CSGALNACT2: variants seen among roughly 807,000 people sequenced by gnomAD.
The protein encoded by CSGALNACT2 is chondroitin sulfate N-acetylgalactosaminyltransferase 2, also known as beta 4 GalNAcT-2.
Under a neutral mutation model 55.3 loss-of-function variants are expected in CSGALNACT2, and 35 were observed. The ratio of observed to expected loss-of-function variants is 0.63; its 90% confidence interval spans 0.48 to 0.84. The LOEUF is 0.84. Among genes scored for constraint, CSGALNACT2 ranks in the 40% least tolerant of loss-of-function variants. CSGALNACT2 has a pLI of 0.00. For missense variants in CSGALNACT2, 544 were observed against 657.5 expected (o/e 0.83, Z 1.89); for synonymous variants, 196 against 224.9 (o/e 0.87, Z 1.15).
intron 5 of CSGALNACT2, among the ~76,000 whole-genome samples, chr10:43,165,843 G>A (rs985087400): frequency 3.9e-5 from 6 of 152,266 alleles, no homozygotes; most frequent in African/African-American, 1.2e-4. Flanking sequence ...TTAGCCAGGC[G>A]TGGTGGCTTG....
chr10:43,155,206 T>A lies in CSGALNACT2; in HGVS notation c.57T>A (p.Leu19=), dbSNP rs1838966871. 2.5e-6 allele frequency: 4 copies of A among 1,614,068 alleles called. No individual in the cohort carries two copies. The highest frequency in any genetic ancestry group is 3.4e-6 in the Non-Finnish European group (4 of 1,180,032). The change falls in exon 2 of 8, where the codon CTT becomes CTA. Residue 19 remains leucine, a synonymous_variant. Transcript: ENST00000374466. ...HTRTHWLLLG[L]ALLCSLVLFM... is the part of the protein sequence containing the mutation. The stretch of plus-strand genomic sequence containing the variant: ...GGACCCACTGGTTGCTGTTGGGCCT[T>A]GCTTTGCTCTGCAGTTTGGTATTAT...
At chr10:43,141,623 TCAA>T (rs1348078546) in intron 1 of CSGALNACT2, among the ~76,000 whole-genome samples, 1 of 39,460 alleles carries the variant, frequency 2.5e-5, no homozygotes, top group Non-Finnish European at 4.2e-5. Flanking sequence ...TGAAACTGTC[TCAA>T]AAAAAAAAAA....
At chr10:43,142,006 G>C (rs906507570) in intron 1 of CSGALNACT2, among the ~76,000 whole-genome samples, 1 of 152,166 alleles carries the variant, frequency 6.6e-6, no homozygotes, top group African/African-American at 2.4e-5. Flanking sequence ...TCACAGAAGG[G>C]ATTGGGGTTG....
rs761116364 is a variant in CSGALNACT2 at position 43,160,516 on chromosome 10, A to G, written c.901A>G (p.Lys301Glu). The G allele has an allele frequency of 1.3e-6, 2 of 1,574,508 alleles. No homozygotes were observed. The highest frequency in any genetic ancestry group is 3.4e-5 in the Admixed American group (2 of 58,956). ...TAGGGATGTTTGTATTCATCAAGAC[A>G]AGAAGATTCATCTCACAGTGGTGTA... ...NFRDVCIHQD[K>E]KIHLTVVYFG... Residue 301 changes from lysine to glutamate, a missense_variant, in exon 4 of 8, where the codon AAG becomes GAG. Transcript: ENST00000374466.
At chr10:43,151,666 G>C (rs1414176220) in intron 1 of CSGALNACT2, among the ~76,000 whole-genome samples, 1 of 152,174 alleles carries the variant, frequency 6.6e-6, no homozygotes, top group African/African-American at 2.4e-5. Flanking sequence ...GTGTGCAGCT[G>C]TATCCACTCT....
In CSGALNACT2 at chr10:43,155,022, AAAACTT is replaced by A; in HGVS notation, c.-124_-119del. 1 of 791,722 alleles carries A rather than the reference AAAACTT, an allele frequency of 1.3e-6. No homozygotes were observed. Among genetic ancestry groups the A allele is most frequent in the Non-Finnish European group, 2.0e-6 (1 of 499,330 alleles). 49.0% of individuals were successfully genotyped at this position (791,722 alleles called of 1,614,324 possible). A position where few individuals can be genotyped will look rare whatever the true frequency, so the allele number is the denominator to read the frequency against. On this transcript the variant is annotated 5_prime_UTR_variant, in exon 2 of 8. The change abolishes the stop of an existing upstream ORF in the 5' untranslated region. Coordinates refer to ENST00000374466, the MANE Select transcript of CSGALNACT2 (RefSeq NM_018590.5). ...AGTAGTCATGACTGCTGAAGAAAGA[AAAACTT>A]AAAGCTACGGCAGAATTATTTTATG... is the stretch of plus-strand genomic sequence containing the variant.
intron 1 of CSGALNACT2, among the ~76,000 whole-genome samples, chr10:43,147,782 C>CTTTTTTTTTTT (rs372639057): frequency 4.6e-5 from 5 of 108,118 alleles, no homozygotes; most frequent in Non-Finnish European, 9.3e-5. Context: ...GTCGAGTTAT[C>CTTTTTTTTTTT]TTTTTTTTTT....
intron 1 of CSGALNACT2, among the ~76,000 whole-genome samples, chr10:43,149,094 G>GT (rs1237260870): frequency 6.6e-6 from 1 of 151,944 alleles, no homozygotes; most frequent in Non-Finnish European, 1.5e-5. Context: ...GTTTGGTTTG[G>GT]TTTTTTGAGA....
At chr10:43,153,498 C>A (rs1331429139) in intron 1 of CSGALNACT2, among the ~76,000 whole-genome samples, 9 of 148,356 alleles carry the variant, frequency 6.1e-5, no homozygotes, top group Non-Finnish European at 7.5e-5. Flanking sequence ...AGACATGTTA[C>A]CAAAAAAAAA....
chr10:43,155,425 G>T lies in CSGALNACT2; in HGVS notation c.276G>T (p.Lys92Asn), dbSNP rs750261794. ...AAGAATTACAAGAAATGAGTGAGAA[G>T]ATGCGGTCACTGCAAGAAAGAAGGA... is the stretch of plus-strand genomic sequence containing the variant. ...LKQELQEMSE[K>N]MRSLQERRNV... is the part of the protein sequence containing the mutation. The change falls in exon 2 of 8, where the codon AAG becomes AAT. Residue 92 changes from lysine to asparagine, a missense_variant. Around this residue, in one of 2 missense-constraint regions of CSGALNACT2, gnomAD observed 374 missense variants for 401.3 expected, o/e 0.93. Coordinates refer to ENST00000374466, the MANE Select transcript of CSGALNACT2 (RefSeq NM_018590.5). 1 of 1,614,078 alleles carries T rather than the reference G, an allele frequency of 6.2e-7. No homozygotes were observed. Among genetic ancestry groups the T allele is most frequent in the African/African-American group, 1.3e-5 (1 of 74,922 alleles).
At chr10:43,150,901 T>C (rs1002108972) in intron 1 of CSGALNACT2, among the ~76,000 whole-genome samples, 1 of 152,226 alleles carries the variant, frequency 6.6e-6, no homozygotes, top group Non-Finnish European at 1.5e-5. Context: ...TGATTCTTTT[T>C]TCTTTCTGTA....
chr10:43,139,504 C>T (rs2133081604), intron 1 of CSGALNACT2, among the ~76,000 whole-genome samples: 1 of 152,304 alleles, frequency 6.6e-6, no homozygotes, highest in Non-Finnish European at 1.5e-5. Flanking sequence ...TTTGTCGAGG[C>T]ATAAAATACA....
At chr10:43,172,738 C>T (rs17363630) in intron 6 of CSGALNACT2, among the ~76,000 whole-genome samples, 26,328 of 152,186 alleles carry the variant, frequency 0.17, 2,515 homozygotes, top group Admixed American at 0.25. Flanking sequence ...TAGGAGGTGA[C>T]AGAAAGTAAA....
At chr10:43,145,070 T>G (rs1032012330) in intron 1 of CSGALNACT2, among the ~76,000 whole-genome samples, 9 of 152,110 alleles carry the variant, frequency 5.9e-5, no homozygotes, top group African/African-American at 2.2e-4. Flanking sequence ...CTGGGTTGTT[T>G]CTGGTTTTGG....
At chr10:43,170,790 C>A (rs1014012272) in intron 6 of CSGALNACT2, among the ~76,000 whole-genome samples, 2 of 152,146 alleles carry the variant, frequency 1.3e-5, no homozygotes, top group Admixed American at 6.5e-5. Context: ...TACCATGTAC[C>A]CATGACATGA....
intron 5 of CSGALNACT2, among the ~76,000 whole-genome samples, chr10:43,165,508 G>C (rs981574439): frequency 1.3e-5 from 2 of 151,994 alleles, no homozygotes; most frequent in African/African-American, 4.8e-5. Context: ...ACATTGGGGT[G>C]GGGGGGTGCT....
At chr10:43,141,711 T>G (rs888485536) in intron 1 of CSGALNACT2, among the ~76,000 whole-genome samples, 4 of 147,068 alleles carry the variant, frequency 2.7e-5, no homozygotes, top group African/African-American at 1.0e-4. Flanking sequence ...AATATACATC[T>G]AATAGGAGTT....
intron 1 of CSGALNACT2, among the ~76,000 whole-genome samples, chr10:43,146,035 A>G (rs1838740088): frequency 6.6e-6 from 1 of 152,122 alleles, no homozygotes; most frequent in South Asian, 2.1e-4. Context: ...AGCCAAGTGT[A>G]TTAGTCTGGG....
rs769518987 is a variant in CSGALNACT2 at position 43,160,474 on chromosome 10, T to G, written c.879-20T>G. 7 of 1,291,844 alleles carry G rather than the reference T, an allele frequency of 5.4e-6. No homozygotes were observed. The highest frequency in any genetic ancestry group is 4.4e-6 in the Non-Finnish European group (4 of 903,790). 80.0% of individuals were successfully genotyped at this position (1,291,844 alleles called of 1,614,324 possible). A position where few individuals can be genotyped will look rare whatever the true frequency, so the allele number is the denominator to read the frequency against. ...GCCTCATGTTTTCTTGAATAAACTT[T>G]TATTTTTCACTTCTGTTAGGGATGT... On this transcript the variant is annotated intron_variant, in intron 3 of 7. Transcript: ENST00000374466.
Sources: allele counts gnomAD v4.1 joint callset (sites outside exome capture counted in the v4.1 genomes callset), GRCh38; gene constraint gnomAD v4.1.1; regional missense constraint gnomAD v4.1.1; transcripts MANE v1.5; gene names NCBI Gene and HGNC (gene_info 2026-07-23, HGNC 2026-07-21).